Variants in PAK1 observed in about 807,000 individuals in gnomAD.
PAK1 encodes the protein p21 (RAC1) activated kinase 1, also known as serine/threonine-protein kinase PAK 1.
In PAK1, 29 loss-of-function variants were observed where a neutral mutation model predicts 67.4. The ratio of observed to expected loss-of-function variants is 0.43; its 90% confidence interval spans 0.32 to 0.59. PAK1 has a LOEUF of 0.59. Among genes scored for constraint, PAK1 ranks in the 20% least tolerant of loss-of-function variants. The probability of loss-of-function intolerance (pLI) is 0.07; values close to 1 mark genes in which losing one functional copy is unlikely to be tolerated. For synonymous variants in PAK1, 223 were observed against 237.4 expected, an observed-to-expected ratio of 0.94 and a Z score of 0.56; for missense variants, 337 against 670.7, an observed-to-expected ratio of 0.50 and a Z score of 5.50.
At chr11:77,356,741 T>C (rs1199404374) in intron 6 of PAK1, among the ~76,000 whole-genome samples, 1 of 152,174 alleles carries the variant, frequency 6.6e-6, no homozygotes, top group Non-Finnish European at 1.5e-5. Flanking sequence ...GAGAATCTAT[T>C]TGTTGCCTCA....
At chr11:77,485,871 C>G in the PAK1 span, among the ~76,000 whole-genome samples, 3 of 152,204 alleles carry the variant, frequency 2.0e-5, no homozygotes, top group Admixed American at 1.3e-4. Context: ...AGTGTGTTCT[C>G]GAACATCGGT....
chr11:77,458,575 T>C (rs536416046), intron 1 of PAK1, among the ~76,000 whole-genome samples: 1 of 152,230 alleles, frequency 6.6e-6, no homozygotes, highest in Non-Finnish European at 1.5e-5. Context: ...ACATTCATTT[T>C]AGAATCCACT....
the PAK1 span, among the ~76,000 whole-genome samples, chr11:77,504,139 C>T: frequency 1.3e-3 from 205 of 152,250 alleles, 3 homozygotes; most frequent in African/African-American, 4.8e-3. Context: ...GTGATCTGCC[C>T]GCCTCAGCCT....
intron 6 of PAK1, among the ~76,000 whole-genome samples, chr11:77,358,499 G>A (rs1946343251): frequency 6.6e-6 from 1 of 152,034 alleles, no homozygotes; most frequent in African/African-American, 2.4e-5. Context: ...GCTCTAAGAG[G>A]CTGAACACTG....
At chr11:77,452,473 C>T (rs1233757904) in intron 1 of PAK1, among the ~76,000 whole-genome samples, 1 of 152,120 alleles carries the variant, frequency 6.6e-6, no homozygotes, top group African/African-American at 2.4e-5. Flanking sequence ...GAATGAGCTG[C>T]TTTTCTTCTC....
intron 2 of PAK1, among the ~76,000 whole-genome samples, chr11:77,383,215 T>G (rs1950051243): frequency 6.6e-6 from 1 of 152,130 alleles, no homozygotes; most frequent in East Asian, 1.9e-4. Flanking sequence ...TAACATAGAT[T>G]AGACGCGGAG....
At chr11:77,466,772 G>A (rs943971065) in intron 1 of PAK1, among the ~76,000 whole-genome samples, 27 of 152,058 alleles carry the variant, frequency 1.8e-4, no homozygotes, top group Non-Finnish European at 2.8e-4. Flanking sequence ...AGTCTAAGAC[G>A]GCTATGGTGT....
chr11:77,508,902 C>A, the PAK1 span, among the ~76,000 whole-genome samples: 2 of 147,748 alleles, frequency 1.4e-5, no homozygotes, highest in East Asian at 4.1e-4. Context: ...CCTAGTGATC[C>A]GCCCGCCTCG....
At chr11:77,324,525 C>G (rs1255093844) in intron 14 of PAK1, among the ~76,000 whole-genome samples, 1 of 151,686 alleles carries the variant, frequency 6.6e-6, no homozygotes, top group African/African-American at 2.4e-5. Context: ...GCTTTTTTTT[C>G]TTTTTAAACA....
chr11:77,405,271 T>C (rs1029079239), intron 1 of PAK1, among the ~76,000 whole-genome samples: 2 of 152,186 alleles, frequency 1.3e-5, no homozygotes, highest in African/African-American at 4.8e-5. Context: ...TGGAACTTTA[T>C]AGGCCACAAT....
intron 14 of PAK1, among the ~76,000 whole-genome samples, chr11:77,328,376 T>C (rs1283262239): frequency 2.6e-5 from 4 of 152,230 alleles, no homozygotes; most frequent in South Asian, 2.1e-4. Context: ...ATTGACCACA[T>C]AGTTGGAAGT....
At chr11:77,520,530 T>C in the PAK1 span, among the ~76,000 whole-genome samples, 3 of 152,100 alleles carry the variant, frequency 2.0e-5, no homozygotes, top group Admixed American at 2.0e-4. Flanking sequence ...AAACAAACTT[T>C]TACCCTCTTG....
the PAK1 span, among the ~76,000 whole-genome samples, chr11:77,489,874 G>C: frequency 6.6e-6 from 1 of 152,124 alleles, no homozygotes; most frequent in Non-Finnish European, 1.5e-5. Context: ...CCACCACCCC[G>C]TCTGGGAAGT....
At chr11:77,425,664 C>T (rs1000654983) in intron 1 of PAK1, among the ~76,000 whole-genome samples, 5 of 152,180 alleles carry the variant, frequency 3.3e-5, no homozygotes, top group Non-Finnish European at 5.9e-5. Flanking sequence ...AACAGCTTGA[C>T]AGAAGGGACA....
At position 77,426,570 on chromosome 11, in the gene PAK1, C is replaced by T. The variant is rs139280567; in HGVS notation, c.-21-34029G>A. 5.0e-3 allele frequency among the ~76,000 whole-genome samples: 759 copies of T among 152,234 alleles called. 5 individuals carry two copies. Among genetic ancestry groups the T allele is most frequent in the Non-Finnish European group, 8.9e-3 (607 of 68,012 alleles). ...ATTCTAAGGAGTTTTCCATGCTGCT[C>T]TCCAAACAATTATAGAATAAAAGCT... On this transcript the variant is annotated intron_variant, in intron 1 of 14. Transcript: ENST00000356341.
At chr11:77,451,895 G>A (rs935661752) in intron 1 of PAK1, among the ~76,000 whole-genome samples, 1 of 142,650 alleles carries the variant, frequency 7.0e-6, no homozygotes, top group Admixed American at 6.8e-5. Flanking sequence ...CACCACGCCC[G>A]ACCTCTCTCG....
At chr11:77,355,620 G>T in intron 7 of PAK1, 48 bp downstream of exon 7, 3 of 1,482,410 alleles carry the variant, frequency 2.0e-6, no homozygotes, top group South Asian at 2.3e-5. Context: ...CTCTGTGCTT[G>T]ACCAGTCATA....
chr11:77,345,276 T>C (rs1944245612), intron 9 of PAK1, among the ~76,000 whole-genome samples: 1 of 151,780 alleles, frequency 6.6e-6, no homozygotes, highest in Non-Finnish European at 1.5e-5. Flanking sequence ...CAAATGTCTG[T>C]AGAAAGGAAG....
intron 1 of PAK1, among the ~76,000 whole-genome samples, chr11:77,452,133 G>A (rs935717194): frequency 1.3e-5 from 2 of 152,104 alleles, no homozygotes; most frequent in Non-Finnish European, 2.9e-5. Flanking sequence ...AATTGGCCAC[G>A]TCCACTTTAA....
Sources: gnomAD v4.1 joint callset for allele counts (sites outside exome capture counted in the v4.1 genomes callset) on GRCh38, gnomAD v4.1.1 for gene constraint, MANE v1.5 for transcripts, NCBI Gene and HGNC (gene_info 2026-07-23, HGNC 2026-07-21) for gene names.